FGF13: variants seen among roughly 807,000 people sequenced by gnomAD.
FGF13 encodes fibroblast growth factor 13.
In FGF13, 2 loss-of-function variants were observed where a neutral mutation model predicts 19.5. That is an observed-to-expected ratio of 0.10 (90% CI 0.04 to 0.32). The LOEUF (loss-of-function observed/expected upper bound fraction) is 0.32. Ranked by LOEUF, FGF13 falls within the 10% of genes least tolerant of loss-of-function variation. The pLI is 1.00. For missense variants in FGF13, 113 were observed against 192.7 expected (o/e 0.59, Z 2.45); for synonymous variants, 72 against 76.9 (o/e 0.94, Z 0.33).
chrX:138,841,470 G>A (rs942090558), intron 3 of FGF13, among the ~76,000 whole-genome samples: 1 of 110,746 alleles, frequency 9.0e-6, no homozygotes, highest in Non-Finnish European at 1.9e-5. Context: ...ACTATCTTGA[G>A]ATATACAAAA....
intron 1 of FGF13, among the ~76,000 whole-genome samples, chrX:139,160,176 A>T (rs1044342245): frequency 8.9e-5 from 10 of 112,343 alleles, no homozygotes; most frequent in African/African-American, 3.2e-4. Context: ...AAAACTCAGG[A>T]TTAAGAAACT....
At chrX:139,191,951 C>G (rs975120830) in intron 1 of FGF13, among the ~76,000 whole-genome samples, 2 of 111,478 alleles carry the variant, frequency 1.8e-5, no homozygotes, top group African/African-American at 6.5e-5. Context: ...ATGGCATGCC[C>G]GAAGCTCCCT....
At chrX:138,928,729 T>C (rs937972388) in intron 1 of FGF13, among the ~76,000 whole-genome samples, 2 of 112,173 alleles carry the variant, frequency 1.8e-5, no homozygotes, top group African/African-American at 6.5e-5. Context: ...TCCTCACTGA[T>C]GACAAGAATT....
At chrX:139,097,224 C>T (rs1205990857) in intron 1 of FGF13, among the ~76,000 whole-genome samples, 1 of 111,723 alleles carries the variant, frequency 9.0e-6, no homozygotes, top group African/African-American at 3.3e-5. Flanking sequence ...GGTGTCCAGT[C>T]TTTTGGCTTT....
chrX:138,798,281 A>G (rs920406328), intron 3 of FGF13, among the ~76,000 whole-genome samples: 3 of 111,699 alleles, frequency 2.7e-5, no homozygotes, highest in African/African-American at 9.8e-5. Flanking sequence ...GGGGTGCTGT[A>G]TTTTATCAAA....
At chrX:139,069,806 G>A (rs1001166506) in intron 1 of FGF13, among the ~76,000 whole-genome samples, 1 of 111,309 alleles carries the variant, frequency 9.0e-6, no homozygotes, top group African/African-American at 3.3e-5. Context: ...GAACAGAACA[G>A]AGGCCTCAGA....
chrX:138,646,704 A>G (rs867683726), intron 3 of FGF13, among the ~76,000 whole-genome samples: 1 of 111,784 alleles, frequency 8.9e-6, no homozygotes, highest in African/African-American at 3.3e-5. Context: ...TATTCAGGAA[A>G]TGACCCTAGA....
In FGF13 at chrX:138,796,534, G is replaced by A. The variant is rs58933634; in HGVS notation, c.217+60978C>T. Among the ~76,000 whole-genome samples the A allele has an allele frequency of 8.2e-3, 916 of 111,695 alleles. 51 individuals carry two copies. The East Asian group carries it at 0.19, about 23-fold the overall frequency. On this transcript the variant is annotated intron_variant, in intron 3 of 6. Coordinates refer to the FGF13 transcript ENST00000436198. ...GTAAATAGTTCCGTGATAAACATACGTGTGCATGTGTCTTTATAGTAGAAT... is the reference window on the plus strand; with the variant it reads ...GTAAATAGTTCCGTGATAAACATACATGTGCATGTGTCTTTATAGTAGAAT...
chrX:138,654,021 T>C (rs994786050), intron 3 of FGF13, among the ~76,000 whole-genome samples: 1 of 112,213 alleles, frequency 8.9e-6, no homozygotes, highest in Non-Finnish European at 1.9e-5. Flanking sequence ...TGAATTTGCA[T>C]ACTGGTTGAG....
intron 1 of FGF13, among the ~76,000 whole-genome samples, chrX:138,989,854 T>C (rs749890109): frequency 2.7e-5 from 3 of 111,377 alleles, no homozygotes; most frequent in Non-Finnish European, 5.7e-5. Context: ...GATTCATCCA[T>C]ACCCAAACCG....
chrX:138,937,445 A>T (rs942520605), intron 1 of FGF13, among the ~76,000 whole-genome samples: 3 of 111,956 alleles, frequency 2.7e-5, no homozygotes, highest in African/African-American at 9.7e-5. Flanking sequence ...CTTTAACTAA[A>T]CCACTAGCTG....
chrX:138,911,546 G>A (rs993565247), intron 1 of FGF13, among the ~76,000 whole-genome samples: 10 of 109,851 alleles, frequency 9.1e-5, no homozygotes, highest in Non-Finnish European at 1.5e-4. Context: ...GAAATAATAC[G>A]TACAACAAAC....
At chrX:138,979,674 G>T (rs1216206066) in intron 1 of FGF13, among the ~76,000 whole-genome samples, 3 of 110,964 alleles carry the variant, frequency 2.7e-5, no homozygotes, top group Non-Finnish European at 5.7e-5. Flanking sequence ...ACAAAGAAGG[G>T]ATTCAAGGAC....
intron 3 of FGF13, among the ~76,000 whole-genome samples, chrX:138,680,578 T>C (rs1296359734): frequency 9.0e-6 from 1 of 111,504 alleles, no homozygotes; most frequent in Non-Finnish European, 1.9e-5. Flanking sequence ...AAAAGAATCT[T>C]TTTTTCCCCC....
intron 3 of FGF13, among the ~76,000 whole-genome samples, chrX:138,846,002 C>T (rs760907530): frequency 4.5e-5 from 5 of 111,009 alleles, no homozygotes; most frequent in East Asian, 5.7e-4. Flanking sequence ...CAAATGTCCT[C>T]GCTGTATGAA....
rs1421696648 is a variant in FGF13 at position 138,620,525 on chromosome X, G to A, written c.*12325C>T. On this transcript the variant is annotated 3_prime_UTR_variant, in exon 5 of 5. Coordinates refer to ENST00000315930, the MANE Select transcript of FGF13 (RefSeq NM_004114.5). ...AAGAAATCAAACCATAGTACTACAG[G>A]AAAATCATCAATCACAAAGAAAGAC... The A allele has an allele frequency of 1.8e-5, 2 of 109,895 alleles. No homozygotes were observed. Among genetic ancestry groups the A allele is most frequent in the Non-Finnish European group, 3.8e-5 (2 of 52,615 alleles). 9.1% of individuals were successfully genotyped at this position (109,895 alleles called of 1,213,427 possible).
intron 1 of FGF13, among the ~76,000 whole-genome samples, chrX:139,165,355 G>C (rs775179453): frequency 9.8e-5 from 11 of 111,971 alleles, no homozygotes; most frequent in Non-Finnish European, 1.7e-4. Context: ...AATTAAAAGA[G>C]AGTAGCGGAA....
At chrX:138,806,223 T>C (rs777055359) in intron 3 of FGF13, among the ~76,000 whole-genome samples, 8 of 112,017 alleles carry the variant, frequency 7.1e-5, no homozygotes, top group Middle Eastern at 4.2e-3. Flanking sequence ...AACTTTCTTA[T>C]GTTTCAGAAG....
chrX:138,995,640 C>A (rs1007834190), intron 1 of FGF13, among the ~76,000 whole-genome samples: 3 of 112,430 alleles, frequency 2.7e-5, no homozygotes, highest in African/African-American at 9.7e-5. Flanking sequence ...AAGACATGAT[C>A]GCATTTTTTA....
Sources: allele counts gnomAD v4.1 joint callset (sites outside exome capture counted in the v4.1 genomes callset), GRCh38; gene constraint gnomAD v4.1.1; transcripts MANE v1.5; gene names NCBI Gene and HGNC (gene_info 2026-07-23, HGNC 2026-07-21).